POLR1E: variants seen among roughly 807,000 people sequenced by gnomAD.
POLR1E encodes the protein DNA-directed RNA polymerase I subunit RPA49.
A neutral mutation model predicts 50.9 loss-of-function variants in POLR1E; 37 were observed. That is an observed-to-expected ratio of 0.73 (90% confidence interval 0.56 to 0.96). The LOEUF is 0.96. Ranked by LOEUF, POLR1E falls within the 40% of genes least tolerant of loss-of-function variation. The pLI is 0.00. For missense variants in POLR1E, 426 were observed against 518.1 expected, an observed-to-expected ratio of 0.82 and a Z score of 1.73; for synonymous variants, 166 against 191.6, an observed-to-expected ratio of 0.87 and a Z score of 1.10.
rs778660120 is a variant in POLR1E, at chr9:37,495,174, G to A, written c.553G>A (p.Val185Ile). 1 of 1,613,426 alleles carries A rather than the reference G, an allele frequency of 6.2e-7. No homozygotes were observed. Among genetic ancestry groups the A allele is most frequent in the African/African-American group, 1.3e-5 (1 of 74,896 alleles). ...IIDTKGVTAL[V>I]SDAIHNDLQD... ...ATTGTTTCTTTATTGAAAAGCTCTGGTCAGCGATGCTATCCACAATGACTT... is the reference window on the plus strand; with the variant it reads ...ATTGTTTCTTTATTGAAAAGCTCTGATCAGCGATGCTATCCACAATGACTT... The change falls in exon 7 of 12, where the codon GTC becomes ATC. Residue 185 changes from valine to isoleucine, a missense_variant. Transcript: ENST00000377798.
At chr9:37,491,754 G>A (rs927841609) in intron 4 of POLR1E, among the ~76,000 whole-genome samples, 3 of 152,090 alleles carry the variant, frequency 2.0e-5, no homozygotes, top group Admixed American at 6.6e-5. Context: ...GTGAGCCACC[G>A]TGCCTAGCCA....
chr9:37,490,885 G>A (rs1253149190), intron 4 of POLR1E: 1 of 525,772 alleles, frequency 1.9e-6, no homozygotes, highest in Non-Finnish European at 3.6e-6. Flanking sequence ...TTCCCTTTGT[G>A]TTTGTCATTT....
Position 37,486,763 on chromosome 9 carries a change from A to G in POLR1E, c.137A>G (p.Asn46Ser), listed in dbSNP as rs577713908. 9 of 1,614,114 alleles carry G rather than the reference A, an allele frequency of 5.6e-6. No individual in the cohort carries two copies. In the South Asian group the frequency reaches 8.8e-5, roughly 16 times the overall value. ...AACATGCGCTTTACCTTGTATGAGA[A>G]CAAAGATTCCACCAACCCCAGGAAG... ...PGNMRFTLYE[N>S]KDSTNPRKRN... Residue 46 changes from asparagine (N) to serine (S), a missense_variant, in exon 2 of 12, where the codon AAC becomes AGC. Transcript: ENST00000377798.
chr9:37,493,077 A>G (rs1820713629), intron 5 of POLR1E, among the ~76,000 whole-genome samples: 1 of 152,218 alleles, frequency 6.6e-6, no homozygotes, highest in Non-Finnish European at 1.5e-5. Context: ...GGGATTTTCA[A>G]TGTAGAAGGT....
rs1271609124 is a variant in POLR1E, at chr9:37,492,713, A to G, written c.400A>G (p.Lys134Glu). 12 of 1,613,772 alleles carry G rather than the reference A, an allele frequency of 7.4e-6. No homozygotes were observed. Among genetic ancestry groups the G allele is most frequent in the African/African-American group, 1.3e-5 (1 of 75,040 alleles). The change falls in exon 5 of 12, where the codon AAG becomes GAG. Residue 134 changes from lysine to glutamate, a missense_variant and splice_region_variant. Coordinates refer to ENST00000377798, the MANE Select transcript of POLR1E (RefSeq NM_022490.4). ...GAGTCAGACCAAAACTTACAGAGAA[A>G]AGGTGAGTGTGATAGAATTAAGATG... ...LESQTKTYRE[K>E]MDSCIEAFGT... is the part of the protein sequence containing the mutation.
At chr9:37,487,115 C>T (rs1030264899) in intron 2 of POLR1E, among the ~76,000 whole-genome samples, 4 of 152,242 alleles carry the variant, frequency 2.6e-5, no homozygotes, top group African/African-American at 9.6e-5. Context: ...AACCTCAGGA[C>T]TATTGACTTT....
rs528202850 is a variant in POLR1E at position 37,498,377 on chromosome 9, G to A, written c.886+153G>A. Among the ~76,000 whole-genome samples the A allele has an allele frequency of 9.2e-5, 14 of 152,204 alleles. 1 individual carries two copies. In the East Asian group the frequency reaches 2.7e-3, roughly 29 times the overall value. ...TTCATTCTGGTACTGCTGACATGTC[G>A]AGGGGACTTGCCAGGCCCCTTTTTC... On this transcript the variant is annotated intron_variant, in intron 9 of 11. Transcript: ENST00000377798.
In POLR1E at chr9:37,485,957, C is replaced by G. The variant is rs531914693; in HGVS notation, c.-91C>G. 4.7e-6 allele frequency: 7 copies of G among 1,501,806 alleles called. No homozygotes were observed. The highest frequency in any genetic ancestry group is 4.9e-5 in the East Asian group (2 of 40,534). The allele number at this position is 1,501,806 out of a possible 1,614,324, so 93.0% of individuals were successfully genotyped here. A position where few individuals can be genotyped will look rare whatever the true frequency, so the allele number is the denominator to read the frequency against. On this transcript the variant is annotated 5_prime_UTR_variant, in exon 1 of 12. Coordinates refer to ENST00000377798, the MANE Select transcript of POLR1E (RefSeq NM_022490.4). Reference sequence around the variant, plus strand: ...CCCGGCGGGGCCACGCCTTTTCCGGCCCGCAGCGCGGCCTGGGCTCCCGCG... The same window carrying G: ...CCCGGCGGGGCCACGCCTTTTCCGGGCCGCAGCGCGGCCTGGGCTCCCGCG...
Position 37,503,122 on chromosome 9 carries a change from C to G in POLR1E, c.1180C>G (p.His394Asp). 1 of 1,613,980 alleles carries G rather than the reference C, an allele frequency of 6.2e-7. No homozygotes were observed. Among genetic ancestry groups the G allele is most frequent in the Non-Finnish European group, 8.5e-7 (1 of 1,179,990 alleles). The change falls in exon 12 of 12, where the codon CAC (histidine) becomes GAC (aspartate). Residue 394 changes from histidine (H) to aspartate (D), a missense_variant. Coordinates refer to ENST00000377798, the MANE Select transcript of POLR1E (RefSeq NM_022490.4). ...VSVAAGSEED[H>D]KLGTLSLPLP... ...TGTGGCCGCCGGCAGTGAAGAAGAT[C>G]ACAAGCTGGGCACCCTGTCCCTCCC... is the stretch of plus-strand genomic sequence containing the variant.
At chr9:37,498,025 G>C (rs900938457) in intron 8 of POLR1E, 66 bp from the exon 9 acceptor site, 22 of 1,549,146 alleles carry the variant, frequency 1.4e-5, no homozygotes, top group Admixed American at 7.9e-5. Flanking sequence ...GTTGTAAGAG[G>C]GAAGTAGTTC....
At position 37,500,991 on chromosome 9, in the gene POLR1E, G is replaced by A; in HGVS notation, c.968+70G>A. Reference sequence around the variant, plus strand: ...GGTGGGGGTTGGGAGTGAGGAGCAGGGGCTTGGACTCAATTCCATGTCCAC... The same window carrying A: ...GGTGGGGGTTGGGAGTGAGGAGCAGAGGCTTGGACTCAATTCCATGTCCAC... On this transcript the variant is annotated intron_variant, in intron 10 of 11. Transcript: ENST00000377798. 5 of 1,379,214 alleles carry A rather than the reference G, an allele frequency of 3.6e-6. No individual in the cohort carries two copies. In the South Asian group the frequency reaches 4.8e-5, roughly 13 times the overall value. The allele number at this position is 1,379,214 out of a possible 1,614,324, so 85.4% of individuals were successfully genotyped here.
Position 37,496,043 on chromosome 9 carries a change from G to T in POLR1E, c.752+57G>T. ...GGAGTGCTGTTGGGACCCAACAGTA[G>T]TCAGACACTGTGCAGGTCCTCTGGG... On this transcript the variant is annotated intron_variant, in intron 8 of 11. Coordinates refer to ENST00000377798, the MANE Select transcript of POLR1E (RefSeq NM_022490.4). 7 of 1,286,290 alleles carry T rather than the reference G, an allele frequency of 5.4e-6. 1 individual carries two copies. The South Asian group carries it at 7.2e-5, about 13-fold the overall frequency. The allele number at this position is 1,286,290 out of a possible 1,614,324, so 79.7% of individuals were successfully genotyped here. A position where few individuals can be genotyped will look rare whatever the true frequency, so the allele number is the denominator to read the frequency against.
In POLR1E at chr9:37,500,901, C is replaced by T. The variant is rs1820875694; in HGVS notation, c.948C>T (p.Cys316=). ...INTKLLKHFT[C]LTYNNGRLRN... ...CCAAACTGCTGAAGCACTTTACTTG[C>T]TTGACCTACAACAATGGCAGGTCAG... Residue 316 remains cysteine (C), a synonymous_variant, in exon 10 of 12, where the codon TGC becomes TGT. Coordinates refer to ENST00000377798, the MANE Select transcript of POLR1E (RefSeq NM_022490.4). 1.9e-6 allele frequency: 3 copies of T among 1,613,672 alleles called. No individual in the cohort carries two copies. Among genetic ancestry groups the T allele is most frequent in the Non-Finnish European group, 2.5e-6 (3 of 1,179,598 alleles).
Position 37,487,863 on chromosome 9 carries a change from G to T in POLR1E, c.181G>T (p.Ala61Ser), listed in dbSNP as rs1820606426. The change falls in exon 3 of 12, where the codon GCA (alanine) becomes TCA (serine). Residue 61 changes from alanine (A) to serine (S), a missense_variant and splice_region_variant. Physicochemically the swap from Ala to Ser is moderately conservative, Grantham distance 99. Transcript: ENST00000377798. Reference protein sequence around the residue: ...NPRKRNQRILAAETDRLSYVG... With the variant: ...NPRKRNQRILSAETDRLSYVG... ...GGAGTTTCCCCTCTCTGCATTTTAG[G>T]CAGCTGAAACAGATAGGCTCTCCTA... 6.2e-7 allele frequency: 1 copy of T among 1,613,976 alleles called. No homozygotes were observed. The highest frequency in any genetic ancestry group is 1.1e-5 in the South Asian group (1 of 91,084).
At chr9:37,495,095 T>C in intron 6 of POLR1E, 74 bp from the exon 7 acceptor site, 1 of 1,269,414 alleles carries the variant, frequency 7.9e-7, no homozygotes. Context: ...TGGTCTGAAG[T>C]GCACAGACTG....
At chr9:37,495,331 C>T (rs551374833) in intron 7 of POLR1E, 55 bp downstream of exon 7, 46 of 1,408,586 alleles carry the variant, frequency 3.3e-5, no homozygotes, top group Middle Eastern at 1.8e-4. Flanking sequence ...GATGTTTGCA[C>T]GTGTGTGCAG....
At chr9:37,501,889 T>TAC in intron 11 of POLR1E, 45 bp downstream of exon 11, 1 of 1,577,648 alleles carries the variant, frequency 6.3e-7, no homozygotes, top group East Asian at 2.2e-5. Context: ...TGTCTCGATG[T>TAC]CTTATTTCTG....
At position 37,493,553 on chromosome 9, in the gene POLR1E, A is replaced by T; in HGVS notation, c.403-6A>T. 3 of 1,591,846 alleles carry T rather than the reference A, an allele frequency of 1.9e-6. No individual in the cohort carries two copies. The highest frequency in any genetic ancestry group is 2.6e-6 in the Non-Finnish European group (3 of 1,167,242). ...TCCCCAGTAACCAGGTTTATCTCAT[A>T]AACAGATGGATTCTTGTATTGAAGC... On this transcript the variant is annotated splice_polypyrimidine_tract_variant and splice_region_variant and intron_variant, in intron 5 of 11. Transcript: ENST00000377798.
chr9:37,495,560 A>G (rs921327325), intron 7 of POLR1E, among the ~76,000 whole-genome samples: 1 of 152,182 alleles, frequency 6.6e-6, no homozygotes, highest in African/African-American at 2.4e-5. Flanking sequence ...TAAGAGTTGA[A>G]CCAGCCAAAT....
Sources: allele counts gnomAD v4.1 joint callset (sites outside exome capture counted in the v4.1 genomes callset), GRCh38; gene constraint gnomAD v4.1.1; transcripts MANE v1.5; gene names NCBI Gene and HGNC (gene_info 2026-07-23, HGNC 2026-07-21).